HDGFL3: variants seen among roughly 807,000 people sequenced by gnomAD.
HDGFL3 encodes the protein hepatoma-derived growth factor-related protein 3.
Under a neutral mutation model 27.6 loss-of-function variants are expected in HDGFL3, and 6 were observed. That is an observed-to-expected ratio of 0.22 (90% CI 0.12 to 0.43). The LOEUF is 0.43. HDGFL3 is among the 20% of genes least tolerant of loss of function. The probability of loss-of-function intolerance (pLI) is 1.00; values close to 1 mark genes in which losing one functional copy is unlikely to be tolerated. For missense variants in HDGFL3, 207 were observed against 250.1 expected, an observed-to-expected ratio of 0.83 and a Z score of 1.16; for synonymous variants, 88 against 88.9, an observed-to-expected ratio of 0.99 and a Z score of 0.05.
downstream of HDGFL3, among the ~76,000 whole-genome samples, chr15:83,123,321 TC>T (rs1413358185): frequency 6.6e-6 from 1 of 152,060 alleles, no homozygotes; most frequent in Non-Finnish European, 1.5e-5. Flanking sequence ...CAATCTTGAC[TC>T]CAGAGATCCA....
exon 4 of HDGFL3, chr15:83,113,131 G>A: frequency 1.8e-6 from 1 of 567,322 alleles, no homozygotes; most frequent in Non-Finnish European, 3.2e-6. Context: ...TGCCAGGCCA[G>A]GCAGGGCACC....
At chr15:83,124,138 G>C (rs2035515835), downstream of HDGFL3, among the ~76,000 whole-genome samples, 1 of 152,156 alleles carries the variant, frequency 6.6e-6, no homozygotes, top group Admixed American at 6.6e-5. Flanking sequence ...TTCAGTTTGA[G>C]AAAATTTTTA....
intron 1 of HDGFL3, among the ~76,000 whole-genome samples, chr15:83,186,708 T>C (rs1325903906): frequency 6.6e-6 from 1 of 151,848 alleles, no homozygotes; most frequent in East Asian, 1.9e-4. Context: ...CAGAGTGGTA[T>C]AATGGACACT....
At chr15:83,115,489 C>T (rs951852276) in exon 4 of HDGFL3, 26 of 393,996 alleles carry the variant, frequency 6.6e-5, no homozygotes, top group African/African-American at 2.3e-4. Context: ...TTTGCTCCCA[C>T]TGCCCATGTG....
Position 83,151,170 on chromosome 15 carries a change from A to G in HDGFL3, c.606+45T>C, listed in dbSNP as rs769708808. The G allele has an allele frequency of 2.1e-5, 33 of 1,571,766 alleles. No homozygotes were observed. The Admixed American group carries it at 4.6e-4, about 22-fold the overall frequency. ...ATATGGATGCTGAATCTGAAGCAAA[A>G]TGTCTTCTAATAGAAGGTAAGAGAA... On this transcript the variant is annotated intron_variant, in intron 5 of 5. Transcript: ENST00000299633.
At chr15:83,117,947 C>G (rs1297460446) in intron 3 of HDGFL3, among the ~76,000 whole-genome samples, 1 of 152,000 alleles carries the variant, frequency 6.6e-6, no homozygotes, top group East Asian at 1.9e-4. Flanking sequence ...GGGAGAATTG[C>G]CGGGGTGACA....
At chr15:83,183,659 A>T (rs150395341) in intron 1 of HDGFL3, among the ~76,000 whole-genome samples, 50 of 152,084 alleles carry the variant, frequency 3.3e-4, no homozygotes, top group African/African-American at 1.2e-3. Flanking sequence ...TTGAGGCAGA[A>T]TTGCTTGAAC....
At position 83,136,835 on chromosome 15, in the gene HDGFL3, T is replaced by C; in HGVS notation, c.*2435A>G. The stretch of plus-strand genomic sequence containing the variant: ...GCTATATGGTATTGTGTAAATTTTT[T>C]TTGAAGGAAAATGGAAATTCTTGAG... On this transcript the variant is annotated 3_prime_UTR_variant, in exon 6 of 6. Transcript: ENST00000299633. The C allele has an allele frequency of 2.1e-6, 1 of 477,514 alleles. No homozygotes were observed. 29.6% of individuals were successfully genotyped at this position (477,514 alleles called of 1,614,324 possible).
At position 83,163,990 on chromosome 15, in the gene HDGFL3, C is replaced by T; in HGVS notation, c.161+9G>A. On this transcript the variant is annotated intron_variant, in intron 2 of 5. Coordinates refer to ENST00000299633, the MANE Select transcript of HDGFL3 (RefSeq NM_016073.4). ...GCTAGAGCTGTTGAAACTATTTTTG[C>T]TAACTTACGTTTCATGGGTGCCAAA... The T allele has an allele frequency of 6.2e-7, 1 of 1,606,694 alleles. No homozygotes were observed. Among genetic ancestry groups the T allele is most frequent in the Non-Finnish European group, 8.5e-7 (1 of 1,173,768 alleles).
intron 1 of HDGFL3, among the ~76,000 whole-genome samples, chr15:83,191,258 T>C (rs2037507918): frequency 1.3e-5 from 2 of 152,218 alleles, no homozygotes; most frequent in South Asian, 4.1e-4. Context: ...TGGCTGTCTT[T>C]ATACATGCAT....
chr15:83,163,984 T>C lies in HDGFL3; in HGVS notation c.161+15A>G, dbSNP rs1032909040. ...AGTCAAGCTAGAGCTGTTGAAACTA[T>C]TTTTGCTAACTTACGTTTCATGGGT... On this transcript the variant is annotated intron_variant, in intron 2 of 5. Transcript: ENST00000299633. 4 of 1,595,878 alleles carry C rather than the reference T, an allele frequency of 2.5e-6. No homozygotes were observed. The African/African-American group carries it at 5.4e-5, about 21-fold the overall frequency.
chr15:83,190,547 G>A (rs1239860886), intron 1 of HDGFL3, among the ~76,000 whole-genome samples: 4 of 152,114 alleles, frequency 2.6e-5, no homozygotes, highest in Non-Finnish European at 4.4e-5. Context: ...ATGAGGCAGA[G>A]CATCTTTTCA....
chr15:83,169,059 T>C (rs1219893176), intron 1 of HDGFL3, among the ~76,000 whole-genome samples: 1 of 152,124 alleles, frequency 6.6e-6, no homozygotes, highest in Admixed American at 6.5e-5. Context: ...AAAGAGCTTT[T>C]GATAAAATCC....
chr15:83,151,340 T>G lies in HDGFL3; in HGVS notation c.481A>C (p.Lys161Gln), dbSNP rs1383484540. Reference sequence around the variant, plus strand: ...TTGTCATCTTCATCTCCTGGAGATTTCCGGGACTGTTTAGAGGATTTCTAA... The same window carrying G: ...TTGTCATCTTCATCTCCTGGAGATTGCCGGGACTGTTTAGAGGATTTCTAA... Reference protein sequence around the residue: ...TSKKSSKQSRKSPGDEDDKDC... With the variant: ...TSKKSSKQSRQSPGDEDDKDC... The change falls in exon 5 of 6, where the codon AAA (lysine) becomes CAA (glutamine). Residue 161 changes from lysine to glutamine, a missense_variant. Physicochemically the swap from Lys to Gln is moderately conservative, Grantham distance 53. Coordinates refer to ENST00000299633, the MANE Select transcript of HDGFL3 (RefSeq NM_016073.4). 2 of 1,613,164 alleles carry G rather than the reference T, an allele frequency of 1.2e-6. No homozygotes were observed. Among genetic ancestry groups the G allele is most frequent in the South Asian group, 1.1e-5 (1 of 90,906 alleles).
chr15:83,120,333 G>A (rs2035103550), intron 3 of HDGFL3, among the ~76,000 whole-genome samples: 1 of 152,202 alleles, frequency 6.6e-6, no homozygotes, highest in Admixed American at 6.5e-5. Context: ...TGAACGACGT[G>A]CTCTTGGGCT....
chr15:83,187,331 G>T (rs890205518), intron 1 of HDGFL3, among the ~76,000 whole-genome samples: 7 of 144,918 alleles, frequency 4.8e-5, no homozygotes, highest in African/African-American at 1.9e-4. Context: ...CACGGGCAGA[G>T]TTTTTTTTTT....
intron 1 of HDGFL3, among the ~76,000 whole-genome samples, chr15:83,205,605 T>C (rs781604948): frequency 6.6e-5 from 10 of 152,232 alleles, no homozygotes; most frequent in Non-Finnish European, 1.2e-4. Flanking sequence ...TCTTTTTGAC[T>C]ATCAGAAGAT....
intron 1 of HDGFL3, among the ~76,000 whole-genome samples, chr15:83,165,753 C>T (rs1485758729): frequency 1.4e-5 from 2 of 144,450 alleles, no homozygotes; most frequent in Non-Finnish European, 3.0e-5. Flanking sequence ...CGAGATTGTG[C>T]CACTGCACTC....
At chr15:83,173,089 C>T (rs2037266342) in intron 1 of HDGFL3, among the ~76,000 whole-genome samples, 1 of 152,142 alleles carries the variant, frequency 6.6e-6, no homozygotes, top group African/African-American at 2.4e-5. Context: ...CAGCCTAAAA[C>T]AAACCTTATC....
Sources: allele counts gnomAD v4.1 joint callset (sites outside exome capture counted in the v4.1 genomes callset), GRCh38; gene constraint gnomAD v4.1.1; transcripts MANE v1.5; gene names NCBI Gene and HGNC (gene_info 2026-07-23, HGNC 2026-07-21).